SYNRG: variants seen among roughly 807,000 people sequenced by gnomAD.
The protein encoded by SYNRG is synergin gamma, also known as AP1 gamma subunit binding protein 1.
SYNRG carries 37 observed loss-of-function variants against 130.9 expected under a neutral mutation model. The ratio of observed to expected loss-of-function variants is 0.28; its 90% CI spans 0.22 to 0.37. The LOEUF (loss-of-function observed/expected upper bound fraction) is 0.37, where lower values mean the gene tolerates loss of function less well. SYNRG is among the 10% of genes least tolerant of loss of function. The probability of loss-of-function intolerance (pLI) is 1.00; values close to 1 mark genes in which losing one functional copy is unlikely to be tolerated. For synonymous variants in SYNRG, 539 were observed against 568.1 expected (o/e 0.95, Z 0.73); for missense variants, 1,338 against 1,588.9 (o/e 0.84, Z 2.68).
Position 37,540,324 on chromosome 17 carries a change from G to C in SYNRG, c.3366+56C>G, listed in dbSNP as rs1346225978. 3.8e-6 allele frequency: 6 copies of C among 1,578,226 alleles called. No individual in the cohort carries two copies. The African/African-American group carries it at 8.2e-5, about 22-fold the overall frequency. ...GAAAGCTGACAGCATTCTTTCTTGG[G>C]GCCCTGTGTGCTTGCTGGTCTGTTA... On this transcript the variant is annotated intron_variant, in intron 16 of 21. Coordinates refer to ENST00000612223, the MANE Select transcript of SYNRG (RefSeq NM_007247.6).
chr17:37,606,047 G>A (rs1361617257), intron 1 of SYNRG: 9 of 972,004 alleles, frequency 9.3e-6, no homozygotes, highest in Non-Finnish European at 7.3e-6. Flanking sequence ...ACGCACCCCT[G>A]AAGTTAAAAC....
In SYNRG at chr17:37,600,997, T is replaced by C. The variant is rs764062761; in HGVS notation, c.78-594A>G. On this transcript the variant is annotated intron_variant, in intron 1 of 21. Transcript: ENST00000612223. ...ATGCAGGGATGTTTGGAGAAATGAA[T>C]GTAGGTTAAATGTTAACTATATGAT... The C allele has an allele frequency of 6.4e-4, 98 of 154,236 alleles. 1 individual carries two copies. The highest frequency in any genetic ancestry group is 4.1e-4 in the South Asian group (2 of 4,936). 9.6% of individuals were successfully genotyped at this position (154,236 alleles called of 1,614,324 possible).
intron 21 of SYNRG, among the ~76,000 whole-genome samples, chr17:37,519,741 T>TA (rs2054759034): frequency 6.6e-6 from 1 of 152,190 alleles, no homozygotes; most frequent in Non-Finnish European, 1.5e-5. Flanking sequence ...CATGGAAAAG[T>TA]AGAGTCCAAA....
At chr17:37,532,399 G>A (rs11649908) in intron 19 of SYNRG, among the ~76,000 whole-genome samples, 10,561 of 152,214 alleles carry the variant, frequency 0.069, 406 homozygotes, top group Middle Eastern at 0.095. Context: ...GCCGGGCATG[G>A]TGGCTCATAC....
At chr17:37,572,161 C>T (rs1361550300) in intron 8 of SYNRG, among the ~76,000 whole-genome samples, 174 bp from the exon 9 acceptor site, 2 of 152,160 alleles carry the variant, frequency 1.3e-5, no homozygotes, top group East Asian at 1.9e-4. Context: ...GGCGTGGTGG[C>T]TCACGTCTGT....
rs753831740 is a variant in SYNRG at position 37,600,398 on chromosome 17, A to G, written c.83T>C (p.Met28Thr). ...TCTTATCCCACCTGCAACAGGAAAC[A>G]TGAAGCTGAAAACAGAATAAAAATA... is the stretch of plus-strand genomic sequence containing the variant. ...GAGSAGGGGF[M>T]FPVAGGIRPP... The change falls in exon 2 of 22, where the codon ATG becomes ACG. Residue 28 changes from methionine (M) to threonine (T), a missense_variant. By Grantham distance (81) the Met-to-Thr change is moderately conservative. This residue lies in a region of SYNRG where 184 missense variants were observed against 217.2 expected (regional missense o/e 0.85). Coordinates refer to ENST00000612223, the MANE Select transcript of SYNRG (RefSeq NM_007247.6). 1.7e-5 allele frequency: 27 copies of G among 1,613,700 alleles called. No homozygotes were observed. The highest frequency in any genetic ancestry group is 1.7e-4 in the Middle Eastern group (1 of 6,046).
intron 1 of SYNRG, among the ~76,000 whole-genome samples, chr17:37,607,509 C>A (rs2063850445): frequency 6.6e-6 from 1 of 152,130 alleles, no homozygotes; most frequent in Non-Finnish European, 1.5e-5. Flanking sequence ...ATAGAGGATG[C>A]CGGGCGTGGT....
intron 11 of SYNRG, among the ~76,000 whole-genome samples, chr17:37,563,779 G>T (rs1043614671): frequency 3.6e-4 from 54 of 151,574 alleles, no homozygotes; most frequent in African/African-American, 1.2e-3. Flanking sequence ...CAAGTGATCT[G>T]TCCGCCTTGG....
chr17:37,561,017 A>G (rs903055042), intron 13 of SYNRG, among the ~76,000 whole-genome samples, 178 bp downstream of exon 13: 1 of 152,152 alleles, frequency 6.6e-6, no homozygotes, highest in Non-Finnish European at 1.5e-5. Flanking sequence ...TTATAGTTTG[A>G]GTATCTATTA....
At chr17:37,584,836 CA>C in intron 5 of SYNRG, 77 bp from the exon 6 acceptor site, 1 of 1,062,896 alleles carries the variant, frequency 9.4e-7, no homozygotes. Context: ...TTAAGAAAAG[CA>C]CAGATATTCA....
chr17:37,562,530 T>C (rs2059615617), intron 11 of SYNRG, among the ~76,000 whole-genome samples: 2 of 152,190 alleles, frequency 1.3e-5, no homozygotes, highest in African/African-American at 4.8e-5. Context: ...TGGATTTCTA[T>C]TGAGTTCTTC....
chr17:37,547,117 A>G (rs980546230), intron 14 of SYNRG, among the ~76,000 whole-genome samples: 1 of 152,254 alleles, frequency 6.6e-6, no homozygotes, highest in Non-Finnish European at 1.5e-5. Context: ...ATCTGTATGA[A>G]AATTTCTTGT....
At chr17:37,606,042 C>T in intron 1 of SYNRG, 1 of 974,868 alleles carries the variant, frequency 1.0e-6, no homozygotes, top group Non-Finnish European at 1.2e-6. Context: ...GCAAGACGCA[C>T]CCCTGAAGTT....
intron 14 of SYNRG, among the ~76,000 whole-genome samples, chr17:37,544,513 C>A (rs1043838456): frequency 6.6e-6 from 1 of 152,072 alleles, no homozygotes; most frequent in Non-Finnish European, 1.5e-5. Flanking sequence ...CGGGGTTTCA[C>A]CATGTTGGCC....
At chr17:37,570,605 T>C in intron 10 of SYNRG, 32 bp downstream of exon 10, 1 of 1,584,400 alleles carries the variant, frequency 6.3e-7, no homozygotes, top group Non-Finnish European at 8.6e-7. Context: ...CTTTCAGTGA[T>C]TATCTGAAAT....
At chr17:37,569,913 C>T (rs954378898) in intron 10 of SYNRG, among the ~76,000 whole-genome samples, 1 of 152,110 alleles carries the variant, frequency 6.6e-6, no homozygotes, top group South Asian at 2.1e-4. Flanking sequence ...CATTTCCATG[C>T]AGTACATGTA....
chr17:37,519,121 T>G, intron 21 of SYNRG, 50 bp from the exon 22 acceptor site: 1 of 1,590,778 alleles, frequency 6.3e-7, no homozygotes, highest in Non-Finnish European at 8.6e-7. Flanking sequence ...TTTCTGCATC[T>G]CAGAGCTTTT....
chr17:37,515,535 TG>T lies in SYNRG; in HGVS notation c.*3404del, dbSNP rs2054361722. On this transcript the variant is annotated 3_prime_UTR_variant, in exon 22 of 22. Coordinates refer to ENST00000612223, the MANE Select transcript of SYNRG (RefSeq NM_007247.6). ...GTGCAGTGGCGCGATCTCGGCTCAC[TG>T]CAACCTCCGCCTCTCTGGTTCAAGC... The T allele has an allele frequency of 6.6e-6, 1 of 152,364 alleles. No homozygotes were observed. Among genetic ancestry groups the T allele is most frequent in the Non-Finnish European group, 1.5e-5 (1 of 68,128 alleles). The allele number at this position is 152,364 out of a possible 1,614,324, so 9.4% of individuals were successfully genotyped here.
At chr17:37,522,885 C>T (rs528030785) in intron 19 of SYNRG, among the ~76,000 whole-genome samples, 1 of 152,144 alleles carries the variant, frequency 6.6e-6, no homozygotes, top group East Asian at 1.9e-4. Flanking sequence ...GTGATCTGTC[C>T]ACCTTGGCCT....
Sources: gnomAD v4.1 joint callset for allele counts (sites outside exome capture counted in the v4.1 genomes callset) on GRCh38, gnomAD v4.1.1 for gene constraint, gnomAD v4.1.1 regional missense constraint, MANE v1.5 for transcripts, NCBI Gene and HGNC (gene_info 2026-07-23, HGNC 2026-07-21) for gene names.